Variants in ABLIM1 observed in about 807,000 individuals in gnomAD.
ABLIM1 encodes actin binding LIM protein 1.
A neutral mutation model predicts 107.0 loss-of-function variants in ABLIM1; 40 were observed. That is an observed-to-expected ratio of 0.37 (90% CI 0.29 to 0.49). ABLIM1 has a LOEUF of 0.49. Ranked by LOEUF, ABLIM1 falls within the 20% of genes least tolerant of loss-of-function variation. ABLIM1 has a pLI of 0.97. For synonymous variants in ABLIM1, 357 were observed against 357.3 expected (o/e 1.00, Z 0.01); for missense variants, 857 against 1,008.5 (o/e 0.85, Z 2.04).
upstream of ABLIM1, among the ~76,000 whole-genome samples, chr10:114,659,903 A>G (rs2079712904): frequency 6.6e-6 from 1 of 152,232 alleles, no homozygotes; most frequent in South Asian, 2.1e-4. Flanking sequence ...CAAAGGCCCC[A>G]GGCAGATGAA....
At chr10:114,509,220 T>C (rs1397547226) in intron 6 of ABLIM1, among the ~76,000 whole-genome samples, 1 of 152,154 alleles carries the variant, frequency 6.6e-6, no homozygotes, top group Non-Finnish European at 1.5e-5. Flanking sequence ...AGTCAAGTGC[T>C]GGTGAGGAAG....
intron 1 of ABLIM1, among the ~76,000 whole-genome samples, chr10:114,666,664 C>A (rs10444097): frequency 0.2 from 29,845 of 151,948 alleles, 2,958 homozygotes; most frequent in Middle Eastern, 0.26. Context: ...AAAACAGATA[C>A]AAGAATATCT....
In ABLIM1 at chr10:114,604,619, C is replaced by T. The variant is rs370165310; in HGVS notation, c.245-2658G>A. On this transcript the variant is annotated intron_variant, in intron 1 of 22. Coordinates refer to ENST00000533213, the MANE Select transcript of ABLIM1 (RefSeq NM_002313.7). ...TACTCAAGTGATTCTTACGCATACT[C>T]CAATTTAAGAGCTATTTCCCTTTAG... Among the ~76,000 whole-genome samples the T allele has an allele frequency of 2.6e-5, 4 of 152,200 alleles. No homozygotes were observed. The East Asian group carries it at 7.7e-4, about 29-fold the overall frequency.
chr10:114,613,538 A>G (rs2076948477), intron 1 of ABLIM1: 2 of 539,334 alleles, frequency 3.7e-6, no homozygotes, highest in Non-Finnish European at 6.2e-6. Flanking sequence ...CTGATTCCAA[A>G]CTGCAGAGTG....
At chr10:114,704,335 T>TATATATATATCTATATATCTCACG (rs3061769) in intron 1 of ABLIM1, among the ~76,000 whole-genome samples, 1 of 83,388 alleles carries the variant, frequency 1.2e-5, no homozygotes, top group African/African-American at 4.0e-5. Context: ...TATATATATA[T>TATATATATATCTATATATCTCACG]TGCGCGCGTT....
At chr10:114,754,052 C>A (rs2082576863) in intron 1 of ABLIM1, among the ~76,000 whole-genome samples, 1 of 152,122 alleles carries the variant, frequency 6.6e-6, no homozygotes, top group Non-Finnish European at 1.5e-5. Flanking sequence ...CGGCGTTTCA[C>A]CGTTGGCCAG....
intron 1 of ABLIM1, among the ~76,000 whole-genome samples, chr10:114,719,028 T>A (rs1026958915): frequency 1.3e-5 from 2 of 152,192 alleles, no homozygotes; most frequent in Non-Finnish European, 2.9e-5. Flanking sequence ...TGTATGTACG[T>A]TATTATATAA....
Position 114,462,827 on chromosome 10 carries a change from C to T in ABLIM1, c.1441+2871G>A, listed in dbSNP as rs1214210284. ...CTTATGGTCTTAAACATACTTCCTG[C>T]TTCTTCATCTAGAGCCCTTAGAAGT... is the stretch of plus-strand genomic sequence containing the variant. On this transcript the variant is annotated intron_variant, in intron 12 of 22. Transcript: ENST00000533213. Among the ~76,000 whole-genome samples, 3 of 151,618 alleles carry T rather than the reference C, an allele frequency of 2.0e-5. No individual in the cohort carries two copies. In the East Asian group the frequency reaches 5.8e-4, roughly 29 times the overall value.
At chr10:114,583,464 CACACATATAT>C (rs2073807619) in intron 2 of ABLIM1, among the ~76,000 whole-genome samples, 1 of 8,336 alleles carries the variant, frequency 1.2e-4, no homozygotes, top group Non-Finnish European at 2.3e-4. Flanking sequence ...CACACACACA[CACACATATAT>C]ATATATATAT....
chr10:114,768,218 C>T (rs2082953699), upstream of ABLIM1: 1 of 159,752 alleles, frequency 6.3e-6, no homozygotes, highest in Non-Finnish European at 1.4e-5. Context: ...CCTGGCCGCC[C>T]GCTCCGCGCA....
In ABLIM1 at chr10:114,574,399, A is replaced by ACATAGTT. The variant is rs200510800; in HGVS notation, c.563+1010_563+1016dup. On this transcript the variant is annotated intron_variant, in intron 3 of 22. Coordinates refer to ENST00000533213, the MANE Select transcript of ABLIM1 (RefSeq NM_002313.7). ...CCCCACATTTTCCCACTCACACTTC[A>ACATAGTT]CATAGTTTTCTTGTTCTCTGACTGA... Among the ~76,000 whole-genome samples, 892 of 152,158 alleles carry ACATAGTT rather than the reference A, an allele frequency of 5.9e-3. 9 individuals carry two copies. The highest frequency in any genetic ancestry group is 0.02 in the African/African-American group (845 of 41,518).
At chr10:114,438,911 C>T (rs1014199652) in intron 21 of ABLIM1, among the ~76,000 whole-genome samples, 2 of 152,220 alleles carry the variant, frequency 1.3e-5, no homozygotes, top group African/African-American at 4.8e-5. Context: ...CTGTAATGCA[C>T]ATGGCAGAGG....
rs57963013 is a variant in ABLIM1 at position 114,570,596 on chromosome 10, G to GTTTTTTTTTTTTTTTTTTTTTTTTT, written c.673+676_673+700dup. 2.9e-5 allele frequency among the ~76,000 whole-genome samples: 2 copies of GTTTTTTTTTTTTTTTTTTTTTTTTT among 68,016 alleles called. 1 individual carries two copies. Among genetic ancestry groups the GTTTTTTTTTTTTTTTTTTTTTTTTT allele is most frequent in the Non-Finnish European group, 5.1e-5 (2 of 39,066 alleles). 44.6% of individuals were successfully genotyped at this position (68,016 alleles called of 152,430 possible). A position where few individuals can be genotyped will look rare whatever the true frequency, so the allele number is the denominator to read the frequency against. On this transcript the variant is annotated intron_variant, in intron 4 of 22. Transcript: ENST00000533213. ...TCACATGGTAGTTCTATTTTTCTGG[G>GTTTTTTTTTTTTTTTTTTTTTTTTT]TTTTTTTTTTTTTTTTTTTTTTTTT...
At chr10:114,508,920 C>T (rs776564068) in intron 6 of ABLIM1, among the ~76,000 whole-genome samples, 2 of 152,168 alleles carry the variant, frequency 1.3e-5, no homozygotes, top group African/African-American at 2.4e-5. Context: ...CTGTGCTATG[C>T]TTTTCAGTTT....
At chr10:114,769,475 GAAAGAGAA>G (rs1236157006), upstream of ABLIM1, among the ~76,000 whole-genome samples, 1 of 110,980 alleles carries the variant, frequency 9.0e-6, no homozygotes, top group Admixed American at 8.8e-5. Flanking sequence ...AAGAAAGAAA[GAAAGAGAA>G]AGAAAGAAAG....
In ABLIM1 at chr10:114,465,740, T is replaced by C. The variant is rs1408602144; in HGVS notation, c.1399A>G (p.Thr467Ala). The change falls in exon 12 of 23, where the codon ACT (threonine) becomes GCT (alanine). Residue 467 changes from threonine (T) to alanine (A), a missense_variant. Physicochemically the swap from Thr to Ala is moderately conservative, Grantham distance 58. Around this residue, in one of 5 missense-constraint regions of ABLIM1, gnomAD observed 381 missense variants for 506.9 expected, o/e 0.75. Transcript: ENST00000533213. ...TGGGGAGAGCGGGACGTGGTTGGAGTGTAGCTGTGGCGGCTGTACACAGGG... is the reference window on the plus strand; with the variant it reads ...TGGGGAGAGCGGGACGTGGTTGGAGCGTAGCTGTGGCGGCTGTACACAGGG... ...NSPVYSRHSYTPTTSRSPQHF... is the reference protein window; with the variant it reads ...NSPVYSRHSYAPTTSRSPQHF... 6.2e-7 allele frequency: 1 copy of C among 1,613,948 alleles called. No individual in the cohort carries two copies. The highest frequency in any genetic ancestry group is 1.7e-5 in the Admixed American group (1 of 60,002).
chr10:114,582,982 C>T (rs978719040), intron 2 of ABLIM1, among the ~76,000 whole-genome samples: 1 of 152,020 alleles, frequency 6.6e-6, no homozygotes, highest in Non-Finnish European at 1.5e-5. Context: ...TCCTTAAAAG[C>T]AATTACAACA....
chr10:114,641,397 G>A (rs2078747202), intron 1 of ABLIM1, among the ~76,000 whole-genome samples: 1 of 152,110 alleles, frequency 6.6e-6, no homozygotes, highest in South Asian at 2.1e-4. Flanking sequence ...TAGGTGTTGG[G>A]ATATCACAGC....
intron 6 of ABLIM1, among the ~76,000 whole-genome samples, chr10:114,505,841 C>T (rs2061050713): frequency 6.6e-6 from 1 of 152,108 alleles, no homozygotes; most frequent in East Asian, 1.9e-4. Flanking sequence ...CTCAGTATTT[C>T]TATTCTTAAA....
Sources: allele counts gnomAD v4.1 joint callset (sites outside exome capture counted in the v4.1 genomes callset), GRCh38; gene constraint gnomAD v4.1.1; regional missense constraint gnomAD v4.1.1; transcripts MANE v1.5; gene names NCBI Gene and HGNC (gene_info 2026-07-23, HGNC 2026-07-21).